SPAST: variants seen among roughly 807,000 people sequenced by gnomAD.
The protein encoded by SPAST is spastic paraplegia 4 (autosomal dominant; spastin).
Under a neutral mutation model 76.6 loss-of-function variants are expected in SPAST, and 30 were observed. The observed-to-expected ratio is 0.39, with a 90% CI of 0.29 to 0.53. The LOEUF (loss-of-function observed/expected upper bound fraction) is 0.53. Among genes scored for constraint, SPAST ranks in the 20% least tolerant of loss-of-function variants. The pLI is 0.68. For synonymous variants in SPAST, 305 were observed against 281.0 expected, an observed-to-expected ratio of 1.09 and a Z score of -0.86; for missense variants, 717 against 770.5, an observed-to-expected ratio of 0.93 and a Z score of 0.82.
At chr2:32,077,436 AAGT>A (rs1196083943) in intron 1 of SPAST, among the ~76,000 whole-genome samples, 2 of 152,182 alleles carry the variant, frequency 1.3e-5, no homozygotes, top group Non-Finnish European at 1.5e-5. Flanking sequence ...AAGATACTAA[AAGT>A]AGTGTTTCCA....
At chr2:32,067,369 A>C (rs1676564256) in intron 1 of SPAST, among the ~76,000 whole-genome samples, 1 of 151,990 alleles carries the variant, frequency 6.6e-6, no homozygotes, top group African/African-American at 2.4e-5. Flanking sequence ...ACCACAAGGA[A>C]ATTTTAGTTA....
intron 14 of SPAST, among the ~76,000 whole-genome samples, chr2:32,143,807 T>G (rs449721): frequency 0.99 from 150,906 of 152,264 alleles, 74,795 homozygotes; most frequent in Middle Eastern, 1. Flanking sequence ...GGGAGGTTGA[T>G]GTGGGAGGAT....
intron 1 of SPAST, among the ~76,000 whole-genome samples, chr2:32,072,246 T>C (rs1395231432): frequency 2.0e-5 from 3 of 152,078 alleles, no homozygotes; most frequent in Admixed American, 1.3e-4. Flanking sequence ...GATTTCACCA[T>C]GTTGGCCAGG....
chr2:32,113,137 T>A (rs1439400112), intron 4 of SPAST, among the ~76,000 whole-genome samples: 1 of 151,584 alleles, frequency 6.6e-6, no homozygotes, highest in Non-Finnish European at 1.5e-5. Flanking sequence ...TTATTATTAT[T>A]TTTTTTTTGA....
Position 32,111,331 on chromosome 2 carries a change from C to T in SPAST, c.683-3307C>T, listed in dbSNP as rs34286656. Among the ~76,000 whole-genome samples, 15 of 116,588 alleles carry T rather than the reference C, an allele frequency of 1.3e-4. 2 individuals carry two copies. The highest frequency in any genetic ancestry group is 3.2e-4 in the South Asian group (1 of 3,144). The allele number at this position is 116,588 out of a possible 152,430, so 76.5% of individuals were successfully genotyped here. A position where few individuals can be genotyped will look rare whatever the true frequency, so the allele number is the denominator to read the frequency against. On this transcript the variant is annotated intron_variant, in intron 4 of 16. Transcript: ENST00000315285. ...ACAGTATACTGTATAGTGTGTATAG[C>T]GTATATATACAGTATACTGTATAGT...
chr2:32,148,860 GC>G (rs1022375830), intron 16 of SPAST, among the ~76,000 whole-genome samples: 1 of 149,970 alleles, frequency 6.7e-6, no homozygotes, highest in African/African-American at 2.5e-5. Context: ...TGTGGTCCTG[GC>G]TACTTGGGAA....
chr2:32,142,009 A>G (rs1015568536), intron 13 of SPAST, 63 bp downstream of exon 13: 6 of 1,229,740 alleles, frequency 4.9e-6, no homozygotes, highest in Non-Finnish European at 7.2e-6. Context: ...CATCTTGACA[A>G]TATTAAGTCT....
chr2:32,085,104 A>G (rs1239562198), intron 1 of SPAST, among the ~76,000 whole-genome samples: 1 of 151,976 alleles, frequency 6.6e-6, no homozygotes, highest in Non-Finnish European at 1.5e-5. Context: ...ACAAAAATAC[A>G]TGTAAACAGG....
At chr2:32,137,825 G>A (rs148804781) in intron 12 of SPAST, among the ~76,000 whole-genome samples, 281 of 152,266 alleles carry the variant, frequency 1.8e-3, no homozygotes, top group African/African-American at 6.2e-3. Context: ...CTTCCCCCAT[G>A]TAGTAGTCCG....
rs565912388 is a variant in SPAST, at chr2:32,122,123, A to G, written c.1099-4825A>G. On this transcript the variant is annotated intron_variant, in intron 7 of 16. Transcript: ENST00000315285. Reference sequence around the variant, plus strand: ...CACAGGATGATCAAGCAGCAAGCCTACTGTTTATTTGGGTTTCTCCAAATG... The same window carrying G: ...CACAGGATGATCAAGCAGCAAGCCTGCTGTTTATTTGGGTTTCTCCAAATG... Among the ~76,000 whole-genome samples, 11 of 152,294 alleles carry G rather than the reference A, an allele frequency of 7.2e-5. No individual in the cohort carries two copies. The East Asian group carries it at 1.7e-3, about 24-fold the overall frequency.
At chr2:32,071,495 AAT>A (rs942293200) in intron 1 of SPAST, among the ~76,000 whole-genome samples, 16 of 152,318 alleles carry the variant, frequency 1.1e-4, no homozygotes, top group African/African-American at 3.4e-4. Flanking sequence ...TTCTGAGCCA[AAT>A]ATGAGTGACC....
intron 8 of SPAST, 144 bp downstream of exon 8, chr2:32,127,166 T>G: frequency 1.4e-6 from 1 of 707,176 alleles, no homozygotes; most frequent in Non-Finnish European, 2.5e-6. Flanking sequence ...TTGTTTGTTT[T>G]GTTTTGTTTT....
At chr2:32,088,063 T>G (rs1677563939) in intron 2 of SPAST, among the ~76,000 whole-genome samples, 1 of 151,924 alleles carries the variant, frequency 6.6e-6, no homozygotes, top group South Asian at 2.1e-4. Flanking sequence ...AATTTTTGTA[T>G]TTTTAGTGAA....
intron 9 of SPAST, 28 bp downstream of exon 9, chr2:32,128,507 T>A: frequency 7.1e-7 from 1 of 1,404,568 alleles, no homozygotes; most frequent in Non-Finnish European, 1.0e-6. Flanking sequence ...AATATTGTCG[T>A]ATTTTAAGTT....
chr2:32,092,265 T>C (rs1386203104), intron 3 of SPAST, among the ~76,000 whole-genome samples: 1 of 152,220 alleles, frequency 6.6e-6, no homozygotes, highest in East Asian at 1.9e-4. Context: ...ATGGAGGTTA[T>C]TACTGTGTCA....
intron 1 of SPAST, among the ~76,000 whole-genome samples, chr2:32,082,145 C>G (rs1677259653): frequency 6.7e-6 from 1 of 150,124 alleles, no homozygotes; most frequent in Admixed American, 6.7e-5. Flanking sequence ...GGCACCCACC[C>G]CCACGCCCAG....
intron 12 of SPAST, among the ~76,000 whole-genome samples, chr2:32,139,550 G>A (rs1406676906): frequency 6.6e-6 from 1 of 152,166 alleles, no homozygotes; most frequent in Admixed American, 6.5e-5. Flanking sequence ...AATAATGGCT[G>A]GGCACAGTGG....
intron 16 of SPAST, among the ~76,000 whole-genome samples, chr2:32,150,333 G>A (rs1043223707): frequency 3.5e-5 from 5 of 144,436 alleles, no homozygotes; most frequent in African/African-American, 7.7e-5. Flanking sequence ...CTTGGGATCC[G>A]CCCACCTTGG....
intron 1 of SPAST, among the ~76,000 whole-genome samples, chr2:32,081,529 C>T (rs1378162015): frequency 1.3e-5 from 2 of 151,982 alleles, no homozygotes; most frequent in Non-Finnish European, 2.9e-5. Context: ...TGCTTATTTT[C>T]TCCACCACTT....
Sources: gnomAD v4.1 joint callset for allele counts (sites outside exome capture counted in the v4.1 genomes callset) on GRCh38, gnomAD v4.1.1 for gene constraint, MANE v1.5 for transcripts, NCBI Gene and HGNC (gene_info 2026-07-23, HGNC 2026-07-21) for gene names.